The following JAG1 variants were observed in gnomAD, a reference collection of about 807,000 sequenced individuals.
The protein encoded by JAG1 is protein jagged-1.
In JAG1, 23 loss-of-function variants were observed where a neutral mutation model predicts 148.7. That is an observed-to-expected ratio of 0.15 (90% CI 0.11 to 0.22). The LOEUF (loss-of-function observed/expected upper bound fraction) is 0.22, where lower values mean the gene tolerates loss of function less well. Ranked by LOEUF, JAG1 falls within the 10% of genes least tolerant of loss-of-function variation. The pLI is 1.00. For synonymous variants in JAG1, 572 were observed against 598.3 expected, an observed-to-expected ratio of 0.96 and a Z score of 0.64; for missense variants, 1,054 against 1,611.2, an observed-to-expected ratio of 0.65 and a Z score of 5.92.
At chr20:10,644,323 G>A (rs1339569589) in intron 19 of JAG1, 34 bp downstream of exon 19, 1 of 1,343,708 alleles carries the variant, frequency 7.4e-7, no homozygotes, top group Admixed American at 1.7e-5. Context: ...CACGATAGTG[G>A]ATGAGTGCTG....
At position 10,644,955 on chromosome 20, in the gene JAG1, T is replaced by C. The variant is rs761942250; in HGVS notation, c.2252A>G (p.Asn751Ser). 4 of 1,613,742 alleles carry C rather than the reference T, an allele frequency of 2.5e-6. No homozygotes were observed. Residue 751 changes from asparagine (N) to serine (S), a missense_variant, in exon 18 of 26, where the codon AAC (asparagine) becomes AGC (serine). Coordinates refer to ENST00000254958, the MANE Select transcript of JAG1 (RefSeq NM_000214.3). ...ACATGTGCCCCCATTATGGCAGGGG[T>C]TGGGCAGGCAGCTACTGTTTCGGGC... ...NIARNSSCLPNPCHNGGTCVV... is the reference protein window; with the variant it reads ...NIARNSSCLPSPCHNGGTCVV...
At chr20:10,652,860 C>A (rs999896503) in intron 5 of JAG1, 2 of 412,970 alleles carry the variant, frequency 4.8e-6, no homozygotes, top group African/African-American at 2.0e-5. Flanking sequence ...AAGCCACTCT[C>A]TTCTCAGGCT....
intron 20 of JAG1, among the ~76,000 whole-genome samples, chr20:10,643,253 C>A (rs1285589154): frequency 1.3e-5 from 2 of 152,154 alleles, no homozygotes; most frequent in African/African-American, 4.8e-5. Context: ...AGAGAAAGGG[C>A]TTGTAAAAAA....
intron 3 of JAG1, among the ~76,000 whole-genome samples, chr20:10,660,576 G>C (rs1302678471): frequency 6.6e-6 from 1 of 152,198 alleles, no homozygotes; most frequent in African/African-American, 2.4e-5. Context: ...GTGCAGGACT[G>C]ATATGTACTT....
At chr20:10,652,930 C>T (rs1271051098) in intron 5 of JAG1, among the ~76,000 whole-genome samples, 2 of 152,032 alleles carry the variant, frequency 1.3e-5, no homozygotes, top group Non-Finnish European at 2.9e-5. Flanking sequence ...CTAGTTGCGA[C>T]AGACTATAGA....
At chr20:10,640,728 A>G in intron 25 of JAG1, 55 bp downstream of exon 25, 1 of 1,566,836 alleles carries the variant, frequency 6.4e-7, no homozygotes. Context: ...TTTATTGAAT[A>G]GTATAATGAG....
In JAG1 at chr20:10,672,075, G is replaced by C. The variant is rs531362332; in HGVS notation, c.387+626C>G. 2.7e-3 allele frequency among the ~76,000 whole-genome samples: 416 copies of C among 152,288 alleles called. 2 individuals carry two copies. Among genetic ancestry groups the C allele is most frequent in the Non-Finnish European group, 5.0e-3 (338 of 68,010 alleles). ...GGGCAGGAAGGGGCCAGCAGCGGGC[G>C]GGGGTTCCCAGGTCTACAGCTCCTG... On this transcript the variant is annotated intron_variant, in intron 2 of 25. Coordinates refer to ENST00000254958, the MANE Select transcript of JAG1 (RefSeq NM_000214.3).
chr20:10,646,930 G>T lies in JAG1; in HGVS notation c.1885+9C>A. On this transcript the variant is annotated intron_variant, in intron 14 of 25. Transcript: ENST00000254958. ...AGCACTGGTCCATTCCCGGATGAGG[G>T]AGTCTTACTTTCATGGCAGTATGTT... The T allele has an allele frequency of 6.2e-7, 1 of 1,613,956 alleles. No homozygotes were observed. The highest frequency in any genetic ancestry group is 1.1e-5 in the South Asian group (1 of 91,076).
At chr20:10,656,930 T>C (rs1016704444) in intron 4 of JAG1, among the ~76,000 whole-genome samples, 1 of 148,628 alleles carries the variant, frequency 6.7e-6, no homozygotes, top group African/African-American at 2.5e-5. Flanking sequence ...GAAAATTCCA[T>C]GGGACTAACA....
intron 2 of JAG1, among the ~76,000 whole-genome samples, chr20:10,672,424 A>T (rs1455735634): frequency 1.3e-5 from 2 of 152,182 alleles, no homozygotes; most frequent in African/African-American, 4.8e-5. Context: ...TTGCAAGTTT[A>T]CACCGGCCTT....
At chr20:10,650,774 A>ATTTTT (rs2067340646) in intron 8 of JAG1, 1 of 256,064 alleles carries the variant, frequency 3.9e-6, no homozygotes, top group African/African-American at 2.2e-5. Context: ...AGTTTGCCCA[A>ATTTTT]AATAGCACAC....
Position 10,673,567 on chromosome 20 carries a change from C to T in JAG1, c.-37G>A, listed in dbSNP as rs2067514118. The T allele has an allele frequency of 1.7e-6, 2 of 1,161,744 alleles. No individual in the cohort carries two copies. Among genetic ancestry groups the T allele is most frequent in the African/African-American group, 3.2e-5 (2 of 62,016 alleles). The allele number at this position is 1,161,744 out of a possible 1,614,324, so 72.0% of individuals were successfully genotyped here. A position where few individuals can be genotyped will look rare whatever the true frequency, so the allele number is the denominator to read the frequency against. Reference sequence around the variant, plus strand: ...GCGCCGCGGGCACTCGGGACGCCGCCGCTGCTGTTCGCGCTGGTGCTGCCG... The same window carrying T: ...GCGCCGCGGGCACTCGGGACGCCGCTGCTGCTGTTCGCGCTGGTGCTGCCG... On this transcript the variant is annotated 5_prime_UTR_variant, in exon 1 of 26. Transcript: ENST00000254958. The surrounding 1 kb of genome is among the most constrained non-coding windows in gnomAD (Gnocchi z 4.7).
intron 5 of JAG1, among the ~76,000 whole-genome samples, chr20:10,654,770 G>A (rs1335437667): frequency 6.6e-6 from 1 of 152,220 alleles, no homozygotes; most frequent in Non-Finnish European, 1.5e-5. Context: ...CAGGGAGAGG[G>A]AGGTGGGACT....
At chr20:10,642,836 C>A (rs1255246295) in intron 20 of JAG1, among the ~76,000 whole-genome samples, 7 of 152,216 alleles carry the variant, frequency 4.6e-5, no homozygotes, top group African/African-American at 1.7e-4. Flanking sequence ...TGGGAGGCAG[C>A]AATTTTTAAT....
Position 10,673,163 on chromosome 20 carries a change from G to C in JAG1, c.82-157C>G. 1.6e-6 allele frequency: 1 copy of C among 624,966 alleles called. No individual in the cohort carries two copies. Among genetic ancestry groups the C allele is most frequent in the East Asian group, 3.0e-5 (1 of 33,654 alleles). 38.7% of individuals were successfully genotyped at this position (624,966 alleles called of 1,614,324 possible). On this transcript the variant is annotated intron_variant, in intron 1 of 25. Coordinates refer to ENST00000254958, the MANE Select transcript of JAG1 (RefSeq NM_000214.3). This position sits in a 1 kb window ranked among gnomAD's most constrained non-coding sequence, Gnocchi z 4.7. ...CGTTCAAGGACTCAACATGATTCCG[G>C]GGCAAAAAAAAAAAAAAATGCACGA...
Position 10,646,930 on chromosome 20 carries a change from G to A in JAG1, c.1885+9C>T. 6.2e-7 allele frequency: 1 copy of A among 1,613,956 alleles called. No individual in the cohort carries two copies. Among genetic ancestry groups the A allele is most frequent in the Non-Finnish European group, 8.5e-7 (1 of 1,179,818 alleles). On this transcript the variant is annotated intron_variant, in intron 14 of 25. Transcript: ENST00000254958. ...AGCACTGGTCCATTCCCGGATGAGG[G>A]AGTCTTACTTTCATGGCAGTATGTT...
At chr20:10,660,361 C>A (rs1365908056) in intron 3 of JAG1, among the ~76,000 whole-genome samples, 1 of 152,196 alleles carries the variant, frequency 6.6e-6, no homozygotes, top group African/African-American at 2.4e-5. Flanking sequence ...TAAACAGAGG[C>A]CAAGGAATGA....
At chr20:10,643,409 C>T (rs140489797) in intron 20 of JAG1, among the ~76,000 whole-genome samples, 91 of 152,318 alleles carry the variant, frequency 6.0e-4, no homozygotes, top group African/African-American at 1.9e-3. Flanking sequence ...TCCTCCCTTC[C>T]GTTTGTATTA....
Position 10,645,126 on chromosome 20 carries a change from G to A in JAG1, c.2227+17C>T, listed in dbSNP as rs115449289. On this transcript the variant is annotated intron_variant, in intron 17 of 25. Transcript: ENST00000254958. This position sits in a 1 kb window ranked among gnomAD's most constrained non-coding sequence, Gnocchi z 6.1. ...TGGCCATGCCCACTGCAGATCCCACGTGGGGCATAAAGTTACCTATGTTAC... is the reference window on the plus strand; with the variant it reads ...TGGCCATGCCCACTGCAGATCCCACATGGGGCATAAAGTTACCTATGTTAC... 1.5e-3 allele frequency: 2,432 copies of A among 1,596,898 alleles called. 32 individuals are homozygous for A. The African/African-American group carries it at 0.029, about 19-fold the overall frequency.
Sources: allele counts gnomAD v4.1 joint callset (sites outside exome capture counted in the v4.1 genomes callset), GRCh38; gene constraint gnomAD v4.1.1; non-coding constraint Gnocchi (gnomAD v3.1); transcripts MANE v1.5; gene names NCBI Gene and HGNC (gene_info 2026-07-23, HGNC 2026-07-21).